Variants in SCN4A observed in about 807,000 individuals in gnomAD.
The protein encoded by SCN4A is sodium voltage-gated channel alpha subunit 4.
A neutral mutation model predicts 162.0 loss-of-function variants in SCN4A; 83 were observed. That is an observed-to-expected ratio of 0.51 (90% CI 0.43 to 0.61). The LOEUF is 0.61. SCN4A is among the 20% of genes least tolerant of loss of function. SCN4A has a pLI of 0.00. For missense variants in SCN4A, 2,196 were observed against 2,462.5 expected (o/e 0.89, Z 2.29); for synonymous variants, 944 against 985.1 (o/e 0.96, Z 0.78).
At chr17:63,968,897 T>C (rs1909535977) in intron 5 of SCN4A, among the ~76,000 whole-genome samples, 1 of 152,242 alleles carries the variant, frequency 6.6e-6, no homozygotes, top group African/African-American at 2.4e-5. Context: ...TGGAATGCAG[T>C]GGCGTGATCT....
In SCN4A at chr17:63,964,608, G is replaced by A. The variant is rs765847714; in HGVS notation, c.1312C>T (p.Leu438Phe). Residue 438 changes from leucine to phenylalanine, a missense_variant, in exon 9 of 24, where the codon CTC becomes TTC. By Grantham distance (22) the Leu-to-Phe change is conservative (BLOSUM62 0). Transcript: ENST00000435607. Reference protein sequence around the residue: ...VVIIFLGSFYLINLILAVVAM... With the variant: ...VVIIFLGSFYFINLILAVVAM... ...ACCACGGCCAGGATCAGATTGATGAGGTAGAAAGAGCCCAGGAAGATGATG... is the reference window on the plus strand; with the variant it reads ...ACCACGGCCAGGATCAGATTGATGAAGTAGAAAGAGCCCAGGAAGATGATG... 4 of 1,613,640 alleles carry A rather than the reference G, an allele frequency of 2.5e-6. No homozygotes were observed. Among genetic ancestry groups the A allele is most frequent in the Admixed American group, 1.7e-5 (1 of 59,960 alleles).
chr17:63,949,534 G>A lies in SCN4A; in HGVS notation c.2854-6C>T, dbSNP rs1311365592. ...TAGAGAGGCTGCGGCGGCTTCTGCG[G>A]AGGCCACAGGGTCACATGACATCTG... On this transcript the variant is annotated splice_polypyrimidine_tract_variant and splice_region_variant and intron_variant, in intron 14 of 23. Coordinates refer to ENST00000435607, the MANE Select transcript of SCN4A (RefSeq NM_000334.4). 2.5e-6 allele frequency: 4 copies of A among 1,602,636 alleles called. No homozygotes were observed. In the South Asian group the frequency reaches 4.4e-5, roughly 18 times the overall value.
Position 63,940,941 on chromosome 17 carries a change from C to G in SCN4A, c.5341G>C (p.Gly1781Arg). The change falls in exon 24 of 24, where the codon GGC becomes CGC. Residue 1781 changes from glycine to arginine, a missense_variant. Gly to Arg is a moderately radical substitution (Grantham distance 125). Transcript: ENST00000435607. ...LLANTMSKMY[G>R]HENGNSSSPS... ...GAGCTGCTGTTCCCATTCTCGTGGC[C>G]ATACATCTTGCTCATGGTGTTGGCA... The G allele has an allele frequency of 6.2e-7, 1 of 1,613,984 alleles. No individual in the cohort carries two copies. Among genetic ancestry groups the G allele is most frequent in the Non-Finnish European group, 8.5e-7 (1 of 1,179,862 alleles).
intron 22 of SCN4A, among the ~76,000 whole-genome samples, chr17:63,943,516 A>G (rs922521082): frequency 3.6e-4 from 54 of 152,002 alleles, no homozygotes; most frequent in African/African-American, 1.3e-3. Context: ...AGTGAGGGTA[A>G]AGCACTCACT....
Position 63,944,564 on chromosome 17 carries a change from T to A in SCN4A, c.3912+109A>T. On this transcript the variant is annotated intron_variant, in intron 21 of 23. Coordinates refer to ENST00000435607, the MANE Select transcript of SCN4A (RefSeq NM_000334.4). This position sits in a 1 kb window ranked among gnomAD's most constrained non-coding sequence, Gnocchi z 4.3. Reference sequence around the variant, plus strand: ...AAGCTAGCTGCCTGAACCAACAACCTGGTAGGTGCTCAGGCAGCGTTTGTG... The same window carrying A: ...AAGCTAGCTGCCTGAACCAACAACCAGGTAGGTGCTCAGGCAGCGTTTGTG... 2 of 1,258,102 alleles carry A rather than the reference T, an allele frequency of 1.6e-6. No individual in the cohort carries two copies. Among genetic ancestry groups the A allele is most frequent in the Non-Finnish European group, 2.2e-6 (2 of 911,776 alleles). The allele number at this position is 1,258,102 out of a possible 1,614,324, so 77.9% of individuals were successfully genotyped here. A position where few individuals can be genotyped will look rare whatever the true frequency, so the allele number is the denominator to read the frequency against.
chr17:63,959,053 C>G (rs1027021213), intron 12 of SCN4A, among the ~76,000 whole-genome samples: 6 of 152,166 alleles, frequency 3.9e-5, no homozygotes, highest in Admixed American at 6.5e-5. Flanking sequence ...TTGGGTCCCC[C>G]CAGCAGCCCT....
rs1172123779 is a variant in SCN4A, at chr17:63,972,828, G to A, written c.14C>T (p.Ser5Phe). Residue 5 changes from serine to phenylalanine, a missense_variant, in exon 1 of 24, where the codon TCT becomes TTT. Ser to Phe is a radical substitution (Grantham distance 155). Coordinates refer to ENST00000435607, the MANE Select transcript of SCN4A (RefSeq NM_000334.4). This position sits in a 1 kb window ranked among gnomAD's most constrained non-coding sequence, Gnocchi z 4.3. ...GCCCAGAGGCACCAGGGTGCACAGA[G>A]ATGGTCTGGCCATCCTCGCATCCTG... MARPSLCTLVPLGPE... is the reference protein window; with the variant it reads MARPFLCTLVPLGPE... The A allele has an allele frequency of 5.6e-6, 9 of 1,611,384 alleles. No homozygotes were observed. Among genetic ancestry groups the A allele is most frequent in the Middle Eastern group, 1.7e-4 (1 of 6,046 alleles).
Position 63,941,637 on chromosome 17 carries a change from C to G in SCN4A, c.4645G>C (p.Gly1549Arg), listed in dbSNP as rs748122664. The change falls in exon 24 of 24, where the codon GGG (glycine) becomes CGG (arginine). Residue 1549 changes from glycine to arginine, a missense_variant. Coordinates refer to ENST00000435607, the MANE Select transcript of SCN4A (RefSeq NM_000334.4). The surrounding 1 kb of genome is among the most constrained non-coding windows in gnomAD (Gnocchi z 6.2). ...DGLLNPILNS[G>R]PPDCDPNLEN... ...AGGTTGGGGTCACAGTCTGGGGGCC[C>G]GCTGTTGAGGATGGGGTTGAGGAGC... is the stretch of plus-strand genomic sequence containing the variant. 5 of 1,613,974 alleles carry G rather than the reference C, an allele frequency of 3.1e-6. No homozygotes were observed. In the South Asian group the frequency reaches 5.5e-5, roughly 18 times the overall value.
At chr17:63,954,057 GC>G (rs1316498493) in intron 13 of SCN4A, among the ~76,000 whole-genome samples, 1 of 152,190 alleles carries the variant, frequency 6.6e-6, no homozygotes, top group Admixed American at 6.5e-5. Context: ...CTTCCTCGGA[GC>G]CCTGGGGGAG....
chr17:63,967,795 T>G (rs916580880), intron 6 of SCN4A, among the ~76,000 whole-genome samples: 2 of 151,724 alleles, frequency 1.3e-5, no homozygotes, highest in Admixed American at 6.6e-5. Flanking sequence ...TAATTGGGCC[T>G]GGTGGCACAT....
At chr17:63,956,560 T>C (rs758208076) in intron 13 of SCN4A, among the ~76,000 whole-genome samples, 11 of 152,186 alleles carry the variant, frequency 7.2e-5, no homozygotes, top group Non-Finnish European at 1.3e-4. Flanking sequence ...GCCTGGACCA[T>C]AGGCCCTGGA....
intron 13 of SCN4A, among the ~76,000 whole-genome samples, chr17:63,956,571 G>A (rs1909077495): frequency 6.6e-6 from 1 of 152,234 alleles, no homozygotes; most frequent in African/African-American, 2.4e-5. Context: ...AGGCCCTGGA[G>A]CAGAGGAGGT....
In SCN4A at chr17:63,948,741, AGG is replaced by A; in HGVS notation, c.3012_3013del (p.Tyr1006ArgfsTer50). 1.9e-6 allele frequency: 3 copies of A among 1,612,106 alleles called. No homozygotes were observed. Among genetic ancestry groups the A allele is most frequent in the Non-Finnish European group, 2.5e-6 (3 of 1,179,002 alleles). On this transcript the variant is annotated frameshift_variant, in exon 16 of 24. Coordinates refer to ENST00000435607, the MANE Select transcript of SCN4A (RefSeq NM_000334.4). LOFTEE classifies it high-confidence loss of function. ...ACGGCCCTGGGAGATGTCCACGTAGAGGCAGGGCCAGCGCTGCACGCAGGCTG... is the reference window on the plus strand; with the variant it reads ...ACGGCCCTGGGAGATGTCCACGTAGACAGGGCCAGCGCTGCACGCAGGCTG...
At position 63,961,306 on chromosome 17, in the gene SCN4A, G is replaced by A; in HGVS notation, c.1732C>T (p.Pro578Ser). Residue 578 changes from proline to serine, a missense_variant, in exon 11 of 24, where the codon CCG (proline) becomes TCG (serine). Transcript: ENST00000435607. ...ATGGTGATGCCCAGGTCCACGAACGGGTCCATGACGATCAGGTGGATGATG... is the reference window on the plus strand; with the variant it reads ...ATGGTGATGCCCAGGTCCACGAACGAGTCCATGACGATCAGGTGGATGATG... The part of the protein sequence containing the change: ...KNIIHLIVMD[P>S]FVDLGITICI... 6.2e-7 allele frequency: 1 copy of A among 1,613,760 alleles called. No homozygotes were observed. The highest frequency in any genetic ancestry group is 8.5e-7 in the Non-Finnish European group (1 of 1,179,800).
rs1908807665 is a variant in SCN4A, at chr17:63,948,695, CAG to C, written c.3058_3059del (p.Leu1020AlafsTer36). On this transcript the variant is annotated frameshift_variant, in exon 16 of 24. Coordinates refer to ENST00000435607, the MANE Select transcript of SCN4A (RefSeq NM_000334.4). LOFTEE classifies it high-confidence loss of function. ...SQGRGKKWWT[L>X]RRACFKIVEH... ...CGACAATCTTGAAGCAGGCCCTGCGCAGAGTCCACCACTTCTTCCCACGGCCC... is the reference window on the plus strand; with the variant it reads ...CGACAATCTTGAAGCAGGCCCTGCGCAGTCCACCACTTCTTCCCACGGCCC... 2 of 1,613,736 alleles carry C rather than the reference CAG, an allele frequency of 1.2e-6. No individual in the cohort carries two copies. Among genetic ancestry groups the C allele is most frequent in the Non-Finnish European group, 1.7e-6 (2 of 1,179,814 alleles).
At position 63,951,517 on chromosome 17, in the gene SCN4A, C is replaced by T. The variant is rs762808534; in HGVS notation, c.2760G>A (p.Leu920=). ...CGGAGGCGATGGGCACCTGTATGGT[C>T]AGGTAGGGGTTGTTGATGAAGTTAA... ...DHLNFINNPY[L]TIQVPIASEE... Residue 920 remains leucine, a synonymous_variant, in exon 14 of 24, where the codon CTG becomes CTA. Coordinates refer to ENST00000435607, the MANE Select transcript of SCN4A (RefSeq NM_000334.4). The surrounding 1 kb of genome is among the most constrained non-coding windows in gnomAD (Gnocchi z 4.5). 8 of 1,613,816 alleles carry T rather than the reference C, an allele frequency of 5.0e-6. No homozygotes were observed. The highest frequency in any genetic ancestry group is 1.6e-4 in the Middle Eastern group (1 of 6,084).
At chr17:63,954,596 T>C (rs1909014785) in intron 13 of SCN4A, among the ~76,000 whole-genome samples, 1 of 152,204 alleles carries the variant, frequency 6.6e-6, no homozygotes, top group Non-Finnish European at 1.5e-5. Flanking sequence ...CCGCAGGAAG[T>C]GACCAAGTGC....
chr17:63,952,161 G>A lies in SCN4A; in HGVS notation c.2377-261C>T, dbSNP rs1435341552. ...AGGCAGGGTTTAGGGAGGCCTGCTG[G>A]GGGACAGGAACTCTCTCCATGACTG... On this transcript the variant is annotated intron_variant, in intron 13 of 23. Coordinates refer to ENST00000435607, the MANE Select transcript of SCN4A (RefSeq NM_000334.4). Among the ~76,000 whole-genome samples the A allele has an allele frequency of 3.9e-5, 6 of 152,176 alleles. No individual in the cohort carries two copies. The East Asian group carries it at 1.2e-3, about 29-fold the overall frequency.
At chr17:63,965,959 A>T (rs1034275106) in intron 8 of SCN4A, 143 bp downstream of exon 8, 1 of 638,978 alleles carries the variant, frequency 1.6e-6, no homozygotes, top group Non-Finnish European at 2.8e-6. Context: ...AAGCTCCTAT[A>T]AGGGCACTGC....
Sources: allele counts gnomAD v4.1 joint callset (sites outside exome capture counted in the v4.1 genomes callset), GRCh38; gene constraint gnomAD v4.1.1; non-coding constraint Gnocchi (gnomAD v3.1); transcripts MANE v1.5; gene names NCBI Gene and HGNC (gene_info 2026-07-23, HGNC 2026-07-21).